ELAVL4: variants seen among roughly 807,000 people sequenced by gnomAD.
ELAVL4 encodes ELAV-like protein 4.
A neutral mutation model predicts 35.6 loss-of-function variants in ELAVL4; 1 was observed. That is an observed-to-expected ratio of 0.03 (90% confidence interval 0.01 to 0.13). ELAVL4 has a LOEUF of 0.13. Ranked by LOEUF, ELAVL4 falls within the 10% of genes least tolerant of loss-of-function variation. ELAVL4 has a pLI of 1.00. For synonymous variants in ELAVL4, 156 were observed against 171.0 expected, an observed-to-expected ratio of 0.91 and a Z score of 0.69; for missense variants, 267 against 464.9, an observed-to-expected ratio of 0.57 and a Z score of 3.91.
upstream of ELAVL4, among the ~76,000 whole-genome samples, chr1:50,105,497 C>T (rs1368654411): frequency 6.6e-6 from 1 of 152,006 alleles, no homozygotes. Context: ...TAGTGAGAGA[C>T]AATCTTGCCT....
intron 3 of ELAVL4, chr1:50,180,782 G>C (rs1680901576): frequency 6.6e-6 from 1 of 152,202 alleles, no homozygotes; most frequent in African/African-American, 2.4e-5. Context: ...TGGAGCTCAA[G>C]TTAGCTTCAA....
At position 50,109,686 on chromosome 1, in the gene ELAVL4, G is replaced by T. The variant is rs1210763595; in HGVS notation, c.9+488G>T. On this transcript the variant is annotated intron_variant, in intron 1 of 6. Transcript: ENST00000371824. ...TGAGATGGGCAGTTGTGTTTCGGGG[G>T]ACTGCGCAGTCAAAACGGCAAAGAG... 1.2e-5 allele frequency: 6 copies of T among 515,570 alleles called. No individual in the cohort carries two copies. The East Asian group carries it at 2.0e-4, about 18-fold the overall frequency. The allele number at this position is 515,570 out of a possible 1,614,324, so 31.9% of individuals were successfully genotyped here.
chr1:50,074,835 A>T (rs1664690324), intron 1 of ELAVL4, among the ~76,000 whole-genome samples: 1 of 152,196 alleles, frequency 6.6e-6, no homozygotes, highest in Non-Finnish European at 1.5e-5. Flanking sequence ...TTTATGGAAC[A>T]TTAATTAAGA....
chr1:50,120,811 A>G (rs893951271), intron 1 of ELAVL4, among the ~76,000 whole-genome samples: 1 of 152,056 alleles, frequency 6.6e-6, no homozygotes, highest in Non-Finnish European at 1.5e-5. Context: ...GAAGTGTGCT[A>G]TTAGAGGAGT....
chr1:50,197,369 C>G, intron 5 of ELAVL4, 60 bp from the exon 6 acceptor site: 1 of 1,504,202 alleles, frequency 6.6e-7, no homozygotes, highest in African/African-American at 1.4e-5. Flanking sequence ...ATTAATAGTT[C>G]CATTGAGCGA....
chr1:50,151,230 C>T (rs768436249), intron 2 of ELAVL4, among the ~76,000 whole-genome samples: 1 of 152,166 alleles, frequency 6.6e-6, no homozygotes, highest in East Asian at 1.9e-4. Flanking sequence ...TAAACTGACT[C>T]CTCCCCTTTA....
At chr1:50,052,008 C>G (rs1263523878) in intron 1 of ELAVL4, among the ~76,000 whole-genome samples, 1 of 152,040 alleles carries the variant, frequency 6.6e-6, no homozygotes, top group East Asian at 1.9e-4. Flanking sequence ...AATACCAGTC[C>G]TGTTGGATTA....
intron 1 of ELAVL4, among the ~76,000 whole-genome samples, chr1:50,086,757 G>A (rs970358800): frequency 1.4e-4 from 21 of 151,864 alleles, no homozygotes; most frequent in Admixed American, 1.2e-3. Context: ...TCCACACCCC[G>A]CACCCTCCAC....
intron 1 of ELAVL4, among the ~76,000 whole-genome samples, chr1:50,133,652 A>AAAGG (rs1491253490): frequency 1.0e-5 from 1 of 96,956 alleles, no homozygotes; most frequent in East Asian, 3.3e-4. Flanking sequence ...AGAAAGAAAG[A>AAAGG]GAAAGAAAGA....
chr1:50,135,871 G>A lies in ELAVL4; in HGVS notation c.10-9086G>A, dbSNP rs541297450. ...TTAGCCACAGTCCCCTAGTCCAGTG[G>A]TCTTTGTGAGTCATCACCTGTAATT... On this transcript the variant is annotated intron_variant, in intron 1 of 6. Transcript: ENST00000371824. Among the ~76,000 whole-genome samples the A allele has an allele frequency of 4.6e-5, 7 of 152,266 alleles. No individual in the cohort carries two copies. In the South Asian group the frequency reaches 1.5e-3, roughly 32 times the overall value.
chr1:50,199,560 T>G (rs1485910311), intron 6 of ELAVL4, among the ~76,000 whole-genome samples: 4 of 151,948 alleles, frequency 2.6e-5, no homozygotes, highest in Non-Finnish European at 5.9e-5. Flanking sequence ...ACAAAAAAAT[T>G]AGTCAGGCAT....
chr1:50,165,427 G>GATATAT (rs145697099), intron 2 of ELAVL4, among the ~76,000 whole-genome samples: 2 of 147,028 alleles, frequency 1.4e-5, no homozygotes, highest in Non-Finnish European at 3.0e-5. Context: ...ACTAACAGGA[G>GATATAT]ATATATATAT....
At position 50,158,463 on chromosome 1, in the gene ELAVL4, C is replaced by T. The variant is rs185817146; in HGVS notation, c.250+13266C>T. 1.3e-3 allele frequency among the ~76,000 whole-genome samples: 195 copies of T among 152,116 alleles called. 1 individual carries two copies. Among genetic ancestry groups the T allele is most frequent in the Non-Finnish European group, 2.2e-3 (149 of 67,972 alleles). On this transcript the variant is annotated intron_variant, in intron 2 of 6. Transcript: ENST00000371824. Reference sequence around the variant, plus strand: ...TGTGTGTACCTATGAGAGTTTGCTCCTGCTTGACTATCCATACAGCCACAC... The same window carrying T: ...TGTGTGTACCTATGAGAGTTTGCTCTTGCTTGACTATCCATACAGCCACAC...
At chr1:50,135,120 G>T (rs747397603) in intron 1 of ELAVL4, among the ~76,000 whole-genome samples, 7 of 152,126 alleles carry the variant, frequency 4.6e-5, no homozygotes, top group Middle Eastern at 3.4e-3. Flanking sequence ...TTTTTTAAAA[G>T]CCCTGACTAC....
At chr1:50,165,437 T>TATATATAG (rs1553182937) in intron 2 of ELAVL4, among the ~76,000 whole-genome samples, 2 of 150,452 alleles carry the variant, frequency 1.3e-5, no homozygotes, top group East Asian at 2.0e-4. Context: ...GATATATATA[T>TATATATAG]ATATAGATAT....
At chr1:50,190,244 G>C (rs1682461976) in intron 3 of ELAVL4, among the ~76,000 whole-genome samples, 1 of 152,208 alleles carries the variant, frequency 6.6e-6, no homozygotes, top group Admixed American at 6.5e-5. Context: ...GAAGCCCTGT[G>C]ACTCCAGGCC....
intron 6 of ELAVL4, among the ~76,000 whole-genome samples, chr1:50,197,831 G>A (rs1644150347): frequency 6.6e-6 from 1 of 152,230 alleles, no homozygotes; most frequent in African/African-American, 2.4e-5. Context: ...TTTTGCATTA[G>A]CAATGCCAAG....
chr1:50,116,466 C>T (rs897691106), intron 1 of ELAVL4, among the ~76,000 whole-genome samples: 2 of 151,290 alleles, frequency 1.3e-5, no homozygotes, highest in Admixed American at 6.6e-5. Context: ...CTGGGAGCCC[C>T]GGTGTGCCGT....
chr1:50,114,031 A>G (rs1456865874), intron 1 of ELAVL4, among the ~76,000 whole-genome samples: 1 of 152,156 alleles, frequency 6.6e-6, no homozygotes, highest in African/African-American at 2.4e-5. Context: ...TTAGAAAAAT[A>G]TGAAATTTCA....
Sources: allele counts gnomAD v4.1 joint callset (sites outside exome capture counted in the v4.1 genomes callset), GRCh38; gene constraint gnomAD v4.1.1; transcripts MANE v1.5; gene names NCBI Gene and HGNC (gene_info 2026-07-23, HGNC 2026-07-21).